ZMIZ1: variants seen among roughly 807,000 people sequenced by gnomAD.
ZMIZ1 encodes the protein zinc finger MIZ domain-containing protein 1.
ZMIZ1 carries 17 observed loss-of-function variants against 113.9 expected under a neutral mutation model. That is an observed-to-expected ratio of 0.15 (90% CI 0.10 to 0.22). The LOEUF (loss-of-function observed/expected upper bound fraction) is 0.22, where lower values mean the gene tolerates loss of function less well. Ranked by LOEUF, ZMIZ1 falls within the 10% of genes least tolerant of loss-of-function variation. The pLI, the probability that ZMIZ1 is intolerant of heterozygous loss-of-function variation, is 1.00. For missense variants in ZMIZ1, 1,059 were observed against 1,477.8 expected, an observed-to-expected ratio of 0.72 and a Z score of 4.65; for synonymous variants, 607 against 603.1, an observed-to-expected ratio of 1.01 and a Z score of -0.09.
At chr10:79,261,739 C>T (rs1190733929) in intron 7 of ZMIZ1, among the ~76,000 whole-genome samples, 4 of 152,330 alleles carry the variant, frequency 2.6e-5, no homozygotes, top group Non-Finnish European at 5.9e-5. Flanking sequence ...ACCACACATG[C>T]AAAGTGCTCA....
intron 7 of ZMIZ1, among the ~76,000 whole-genome samples, chr10:79,266,642 C>T (rs568933961): frequency 1.4e-4 from 22 of 152,272 alleles, no homozygotes; most frequent in African/African-American, 5.3e-4. Flanking sequence ...CAACCCTGGT[C>T]TCCTGGGGCC....
intron 1 of ZMIZ1, among the ~76,000 whole-genome samples, chr10:79,075,514 C>G (rs1842436710): frequency 6.6e-6 from 1 of 152,150 alleles, no homozygotes; most frequent in Non-Finnish European, 1.5e-5. Flanking sequence ...AGTTACCTGT[C>G]TTATATTCCC....
intron 23 of ZMIZ1, among the ~76,000 whole-genome samples, chr10:79,309,231 T>A (rs1035881023): frequency 3.3e-5 from 5 of 152,188 alleles, no homozygotes; most frequent in African/African-American, 1.2e-4. Context: ...GACAGGTGTG[T>A]CAGCAGTGCT....
intron 2 of ZMIZ1, among the ~76,000 whole-genome samples, chr10:79,139,042 C>G (rs1261662165): frequency 6.6e-6 from 1 of 152,176 alleles, no homozygotes; most frequent in Non-Finnish European, 1.5e-5. Flanking sequence ...GCTTTAAACT[C>G]TGCATCTGGG....
Position 79,304,006 on chromosome 10 carries a change from G to T in ZMIZ1, c.2126-9G>T. On this transcript the variant is annotated splice_polypyrimidine_tract_variant and intron_variant, in intron 18 of 24. Transcript: ENST00000334512. ...CCATCCTCACCTGTCTGTGCCTCCT[G>T]CCCCGCAGTCAAGCGGAATTTCAGC... The T allele has an allele frequency of 6.2e-7, 1 of 1,613,804 alleles. No homozygotes were observed. The highest frequency in any genetic ancestry group is 2.2e-5 in the East Asian group (1 of 44,882).
At chr10:79,175,701 G>T (rs543895413) in intron 4 of ZMIZ1, among the ~76,000 whole-genome samples, 1 of 150,634 alleles carries the variant, frequency 6.6e-6, no homozygotes, top group South Asian at 2.1e-4. Flanking sequence ...ACTCATCTCT[G>T]CCCATCCTTG....
intron 7 of ZMIZ1, among the ~76,000 whole-genome samples, chr10:79,249,960 A>G (rs71479659): frequency 0.057 from 8,615 of 152,292 alleles, 486 homozygotes; most frequent in East Asian, 0.31. Flanking sequence ...TAAGTCACCA[A>G]GGTTCTCTGA....
Position 79,276,966 on chromosome 10 carries a change from G to A in ZMIZ1, c.281-215G>A, listed in dbSNP as rs375070800. ...CCATTCTGACCCCCTCTTCATGACA[G>A]AAACTTTTGTATCCTCCTTCAAGGG... On this transcript the variant is annotated intron_variant, in intron 7 of 24. Transcript: ENST00000334512. Among the ~76,000 whole-genome samples, 46 of 152,270 alleles carry A rather than the reference G, an allele frequency of 3.0e-4. No individual in the cohort carries two copies. In the East Asian group the frequency reaches 8.5e-3, roughly 28 times the overall value.
chr10:79,073,242 C>T (rs1284236274), intron 1 of ZMIZ1, among the ~76,000 whole-genome samples: 1 of 152,212 alleles, frequency 6.6e-6, no homozygotes, highest in Non-Finnish European at 1.5e-5. Context: ...CACTTGGTTG[C>T]TGGGAGAATG....
Position 79,298,411 on chromosome 10 carries a change from C to T in ZMIZ1, c.1497C>T (p.Pro499=), listed in dbSNP as rs1013126746. The change falls in exon 15 of 25, where the codon CCC becomes CCT. Residue 499 remains proline (P), a synonymous_variant. Coordinates refer to ENST00000334512, the MANE Select transcript of ZMIZ1 (RefSeq NM_020338.4). The part of the protein sequence containing the change: ...NYSQGNVNRP[P]RPVPVANYPH... ...TGTCTTTTCTTTCCCTCCAGCCTCCCAGGCCGGTTCCTGTGGCAAATTACC... is the reference window on the plus strand; with the variant it reads ...TGTCTTTTCTTTCCCTCCAGCCTCCTAGGCCGGTTCCTGTGGCAAATTACC... 7.5e-6 allele frequency: 12 copies of T among 1,608,354 alleles called. No individual in the cohort carries two copies. The East Asian group carries it at 2.7e-4, about 36-fold the overall frequency.
chr10:79,132,432 A>G (rs1844812355), intron 2 of ZMIZ1, among the ~76,000 whole-genome samples: 2 of 152,120 alleles, frequency 1.3e-5, no homozygotes, highest in Non-Finnish European at 2.9e-5. Context: ...AGCATACCAC[A>G]CAAGCCTGTG....
intron 22 of ZMIZ1, 82 bp downstream of exon 22, chr10:79,306,426 G>A: frequency 6.4e-7 from 1 of 1,559,418 alleles, no homozygotes; most frequent in Non-Finnish European, 8.6e-7. Flanking sequence ...TGTGCTGATG[G>A]TGGCAGGGGT....
At chr10:79,256,452 G>A (rs1250534) in intron 7 of ZMIZ1, among the ~76,000 whole-genome samples, 20,885 of 152,150 alleles carry the variant, frequency 0.14, 1,760 homozygotes, top group Middle Eastern at 0.22. Flanking sequence ...TGCAGCTGCA[G>A]TGTGTGCCCT....
intron 1 of ZMIZ1, among the ~76,000 whole-genome samples, chr10:79,070,954 C>T (rs1842262187): frequency 6.6e-6 from 1 of 152,158 alleles, no homozygotes; most frequent in South Asian, 2.1e-4. Context: ...CTTGGCAGCC[C>T]AAACAAATGT....
chr10:79,197,273 C>T (rs190969952), intron 4 of ZMIZ1, among the ~76,000 whole-genome samples: 75 of 152,322 alleles, frequency 4.9e-4, no homozygotes, highest in African/African-American at 1.6e-3. Context: ...CATGCCCCCA[C>T]GTGGGACCCA....
chr10:79,256,237 G>A (rs1298853139), intron 7 of ZMIZ1, among the ~76,000 whole-genome samples: 6 of 152,182 alleles, frequency 3.9e-5, no homozygotes, highest in Non-Finnish European at 5.9e-5. Flanking sequence ...TGAATCTGAT[G>A]GAGGGAATTC....
intron 6 of ZMIZ1, among the ~76,000 whole-genome samples, chr10:79,214,053 G>A (rs974369718): frequency 6.6e-6 from 1 of 152,226 alleles, no homozygotes; most frequent in African/African-American, 2.4e-5. Flanking sequence ...TCTACAAAGA[G>A]GGAGGGCACC....
At chr10:79,283,041 A>T (rs1173803744) in intron 8 of ZMIZ1, among the ~76,000 whole-genome samples, 2 of 152,262 alleles carry the variant, frequency 1.3e-5, no homozygotes, top group African/African-American at 4.8e-5. Context: ...TGTGATTAGC[A>T]CATTGTCCTT....
chr10:79,276,766 G>A (rs1329402490), intron 7 of ZMIZ1, among the ~76,000 whole-genome samples: 1 of 152,160 alleles, frequency 6.6e-6, no homozygotes, highest in Non-Finnish European at 1.5e-5. Context: ...GAGGGAGTGA[G>A]CTTCCCTGAG....
Sources: gnomAD v4.1 joint callset for allele counts (sites outside exome capture counted in the v4.1 genomes callset) on GRCh38, gnomAD v4.1.1 for gene constraint, MANE v1.5 for transcripts, NCBI Gene and HGNC (gene_info 2026-07-23, HGNC 2026-07-21) for gene names.